CCNI: variants seen among roughly 807,000 people sequenced by gnomAD.
The protein encoded by CCNI is cyclin I.
Under a neutral mutation model 34.1 loss-of-function variants are expected in CCNI, and 14 were observed. The ratio of observed to expected loss-of-function variants is 0.41; its 90% CI spans 0.27 to 0.64. The LOEUF (loss-of-function observed/expected upper bound fraction) is 0.64, where lower values mean the gene tolerates loss of function less well. Among genes scored for constraint, CCNI ranks in the 30% least tolerant of loss-of-function variants. The pLI, the probability that CCNI is intolerant of heterozygous loss-of-function variation, is 0.31. For missense variants in CCNI, 385 were observed against 440.5 expected, an observed-to-expected ratio of 0.87 and a Z score of 1.13; for synonymous variants, 154 against 158.4, an observed-to-expected ratio of 0.97 and a Z score of 0.21.
intron 6 of CCNI, 32 bp from the exon 7 acceptor site, chr4:77,048,694 G>A (rs1391680337): frequency 1.4e-6 from 2 of 1,469,094 alleles, no homozygotes; most frequent in African/African-American, 2.8e-5. Flanking sequence ...GCCACACACA[G>A]TTGATCATTA....
At chr4:77,057,018 C>A (rs753507580) in intron 3 of CCNI, among the ~76,000 whole-genome samples, 6 of 152,064 alleles carry the variant, frequency 3.9e-5, no homozygotes, top group Non-Finnish European at 7.4e-5. Flanking sequence ...AGAAAAAAAG[C>A]TTGATTTAGA....
intron 2 of CCNI, among the ~76,000 whole-genome samples, chr4:77,059,886 A>G (rs1728487714): frequency 6.6e-6 from 1 of 152,202 alleles, no homozygotes; most frequent in Admixed American, 6.5e-5. Context: ...TTTATCCAAA[A>G]TGCCACAACA....
rs4252911 is a variant in CCNI at position 77,054,025 on chromosome 4, A to C, written c.690+1125T>G. On this transcript the variant is annotated intron_variant, in intron 6 of 6. Transcript: ENST00000237654. ...AGCTAACATACTGCTCTGATCATCA[A>C]CCTTTTTATGAAAAGACTGAGCTCC... is the stretch of plus-strand genomic sequence containing the variant. Among the ~76,000 whole-genome samples, 107 of 152,282 alleles carry C rather than the reference A, an allele frequency of 7.0e-4. 1 individual carries two copies. The highest frequency in any genetic ancestry group is 1.3e-3 in the Non-Finnish European group (90 of 68,020).
chr4:77,072,638 T>TAAA (rs61247567), intron 1 of CCNI, among the ~76,000 whole-genome samples: 41 of 101,382 alleles, frequency 4.0e-4, no homozygotes, highest in African/African-American at 8.5e-4. Flanking sequence ...CCCAATCTCT[T>TAAA]AAAAAAAAAA....
rs976915426 is a variant in CCNI at position 77,075,617 on chromosome 4, G to A, written c.-189C>T. The A allele has an allele frequency of 1.5e-5, 15 of 971,962 alleles. No individual in the cohort carries two copies. In the South Asian group the frequency reaches 2.4e-4, roughly 15 times the overall value. 60.2% of individuals were successfully genotyped at this position (971,962 alleles called of 1,614,324 possible). ...GCGCGGGACGACTCGGCCAACTGAG[G>A]AGGGAGAAAGGGGAAGCGGATCGGG... On this transcript the variant is annotated 5_prime_UTR_variant, in exon 1 of 7. Transcript: ENST00000237654.
intron 6 of CCNI, 95 bp downstream of exon 6, chr4:77,055,055 T>G (rs1426509708): frequency 1.3e-6 from 1 of 768,904 alleles, no homozygotes; most frequent in Non-Finnish European, 2.2e-6. Context: ...GGTTTGCCAT[T>G]ACAACATGAG....
chr4:77,066,502 A>G, intron 1 of CCNI, 97 bp from the exon 2 acceptor site: 2 of 819,120 alleles, frequency 2.4e-6, no homozygotes, highest in South Asian at 1.7e-5. Flanking sequence ...TAAGAATGCT[A>G]TGAGGCAGTA....
chr4:77,053,183 C>G (rs1170031732), intron 6 of CCNI, among the ~76,000 whole-genome samples: 1 of 152,044 alleles, frequency 6.6e-6, no homozygotes, highest in Non-Finnish European at 1.5e-5. Context: ...TGTGTGTGTA[C>G]AAGATTTTCT....
At chr4:77,075,439 C>T in intron 1 of CCNI, 33 bp downstream of exon 1, 4 of 865,398 alleles carry the variant, frequency 4.6e-6, no homozygotes, top group Non-Finnish European at 2.8e-6. Flanking sequence ...CGCGGAGACG[C>T]GTCGAGCCCC....
In CCNI at chr4:77,058,582, C is replaced by G; in HGVS notation, c.168G>C (p.Lys56Asn). ...TTTCTGGGTAAAGGTTGAATTGGTA[C>G]TTGAGTTTGGCCAGCCATTGAATTA... is the stretch of plus-strand genomic sequence containing the variant. Reference protein sequence around the residue: ...DEVIQWLAKLKYQFNLYPETF... With the variant: ...DEVIQWLAKLNYQFNLYPETF... Residue 56 changes from lysine (K) to asparagine (N), a missense_variant, in exon 3 of 7, where the codon AAG (lysine) becomes AAC (asparagine). Coordinates refer to ENST00000237654, the MANE Select transcript of CCNI (RefSeq NM_006835.3). 1 of 1,613,332 alleles carries G rather than the reference C, an allele frequency of 6.2e-7. No homozygotes were observed. Among genetic ancestry groups the G allele is most frequent in the Non-Finnish European group, 8.5e-7 (1 of 1,179,346 alleles).
At chr4:77,067,764 T>G (rs1729145609) in intron 1 of CCNI, among the ~76,000 whole-genome samples, 2 of 120,890 alleles carry the variant, frequency 1.7e-5, no homozygotes, top group African/African-American at 6.8e-5. Context: ...GTTACAGGTG[T>G]GAGCCACCGT....
chr4:77,058,437 C>T, intron 3 of CCNI, 70 bp downstream of exon 3: 1 of 1,248,242 alleles, frequency 8.0e-7, no homozygotes, highest in South Asian at 1.4e-5. Flanking sequence ...AGAATGTTCA[C>T]TAATAGCCTC....
chr4:77,054,964 T>G (rs910866977), intron 6 of CCNI, among the ~76,000 whole-genome samples, 186 bp downstream of exon 6: 1 of 152,204 alleles, frequency 6.6e-6, no homozygotes, highest in African/African-American at 2.4e-5. Flanking sequence ...AAAAATACTA[T>G]ATAAGTTTTA....
rs574356621 is a variant in CCNI, at chr4:77,054,563, G to A, written c.690+587C>T. Reference sequence around the variant, plus strand: ...CATTTGAATGAGAATTTTCTCCACTGAACCTTTACATTTTACTTAGGTAGT... The same window carrying A: ...CATTTGAATGAGAATTTTCTCCACTAAACCTTTACATTTTACTTAGGTAGT... On this transcript the variant is annotated intron_variant, in intron 6 of 6. Coordinates refer to ENST00000237654, the MANE Select transcript of CCNI (RefSeq NM_006835.3). 1.4e-4 allele frequency among the ~76,000 whole-genome samples: 22 copies of A among 152,230 alleles called. 3 individuals are homozygous for A. The South Asian group carries it at 4.6e-3, about 32-fold the overall frequency.
chr4:77,048,607 G>C lies in CCNI; in HGVS notation c.746C>G (p.Thr249Ser). The C allele has an allele frequency of 6.3e-7, 1 of 1,589,370 alleles. No homozygotes were observed. Among genetic ancestry groups the C allele is most frequent in the Non-Finnish European group, 8.6e-7 (1 of 1,165,720 alleles). The part of the protein sequence containing the change: ...CRELVAHHLS[T>S]LQSSLPLNSV... ...ATTCAGAGGCAGGGAAGACTGCAGAGTAGAAAGGTGATGTGCCACAAGCTC... is the reference window on the plus strand; with the variant it reads ...ATTCAGAGGCAGGGAAGACTGCAGACTAGAAAGGTGATGTGCCACAAGCTC... The change falls in exon 7 of 7, where the codon ACT (threonine) becomes AGT (serine). Residue 249 changes from threonine to serine, a missense_variant. By Grantham distance (58) the Thr-to-Ser change is moderately conservative. This residue lies in a region of CCNI where 250 missense variants were observed against 248.7 expected (regional missense o/e 1.01). Transcript: ENST00000237654.
chr4:77,063,074 G>A (rs988926678), intron 2 of CCNI, among the ~76,000 whole-genome samples: 7 of 152,120 alleles, frequency 4.6e-5, no homozygotes, highest in African/African-American at 1.7e-4. Flanking sequence ...CATAAGGGAA[G>A]CAGAGTGTGG....
intron 3 of CCNI, among the ~76,000 whole-genome samples, chr4:77,057,335 A>T (rs554726245): frequency 2.0e-5 from 3 of 152,364 alleles, no homozygotes; most frequent in East Asian, 3.9e-4. Flanking sequence ...TTTGAAACAA[A>T]GTTGGAGAAA....
intron 6 of CCNI, 115 bp from the exon 7 acceptor site, chr4:77,048,777 T>C: frequency 1.6e-6 from 1 of 622,748 alleles, no homozygotes; most frequent in Non-Finnish European, 2.6e-6. Context: ...GCTGAGTCTT[T>C]TCTCTCCCCA....
At chr4:77,072,224 T>A (rs1400247318) in intron 1 of CCNI, among the ~76,000 whole-genome samples, 1 of 151,994 alleles carries the variant, frequency 6.6e-6, no homozygotes, top group East Asian at 1.9e-4. Flanking sequence ...ATCAACGCAA[T>A]ACATTATCAA....
Sources: allele counts gnomAD v4.1 joint callset (sites outside exome capture counted in the v4.1 genomes callset), GRCh38; gene constraint gnomAD v4.1.1; regional missense constraint gnomAD v4.1.1; transcripts MANE v1.5; gene names NCBI Gene and HGNC (gene_info 2026-07-23, HGNC 2026-07-21).